Variants in PALM2AKAP2 observed in about 807,000 individuals in gnomAD.
The protein encoded by PALM2AKAP2 is PALM2-AKAP2 fusion protein.
PALM2AKAP2 carries 37 observed loss-of-function variants against 71.5 expected under a neutral mutation model. The observed-to-expected ratio is 0.52, with a 90% CI of 0.40 to 0.68. The LOEUF (loss-of-function observed/expected upper bound fraction) is 0.68. Ranked by LOEUF, PALM2AKAP2 falls within the 30% of genes least tolerant of loss-of-function variation. The pLI, the probability that PALM2AKAP2 is intolerant of heterozygous loss-of-function variation, is 0.00. For synonymous variants in PALM2AKAP2, 468 were observed against 478.8 expected (o/e 0.98, Z 0.29); for missense variants, 1,224 against 1,191.8 (o/e 1.03, Z -0.40).
At chr9:109,774,147 A>T (rs1031973765) in intron 1 of PALM2AKAP2, among the ~76,000 whole-genome samples, 4 of 152,226 alleles carry the variant, frequency 2.6e-5, no homozygotes, top group African/African-American at 7.2e-5. Context: ...GTTGATGGCC[A>T]CGCTACCAAA....
exon 2 of PALM2AKAP2, chr9:110,137,220 A>C (rs1338352782): frequency 6.2e-7 from 1 of 1,614,112 alleles, no homozygotes; most frequent in Non-Finnish European, 8.5e-7. Flanking sequence ...GCTGCTCGCA[A>C]ACAATTTCAG....
intron 1 of PALM2AKAP2, among the ~76,000 whole-genome samples, chr9:109,830,416 G>C (rs1158524698): frequency 6.6e-6 from 1 of 152,114 alleles, no homozygotes; most frequent in Non-Finnish European, 1.5e-5. Flanking sequence ...ATCAAACCAG[G>C]GGCTGGTGTT....
chr9:109,992,212 C>A (rs10816911), intron 6 of PALM2AKAP2, among the ~76,000 whole-genome samples: 43,131 of 152,052 alleles, frequency 0.28, 7,712 homozygotes, highest in Non-Finnish European at 0.41. Context: ...CTTGTGGTAG[C>A]ATAACTGTCA....
At position 109,943,371 on chromosome 9, in the gene PALM2AKAP2, G is replaced by C. The variant is rs747856800; in HGVS notation, c.496+11343G>C. Reference sequence around the variant, plus strand: ...GGAAGGAAGAGAGCCTAGCTACAGAGCCAGCCCCAGGTACCCAAAAGAAAA... The same window carrying C: ...GGAAGGAAGAGAGCCTAGCTACAGACCCAGCCCCAGGTACCCAAAAGAAAA... On this transcript the variant is annotated intron_variant, in intron 6 of 9. Transcript: ENST00000302798. 1.2e-5 allele frequency: 19 copies of C among 1,613,938 alleles called. No individual in the cohort carries two copies. The Admixed American group carries it at 1.3e-4, about 11-fold the overall frequency.
Position 110,168,392 on chromosome 9 carries a change from T to C in PALM2AKAP2, c.2749-7T>C, listed in dbSNP as rs1488175348. The C allele has an allele frequency of 5.6e-6, 9 of 1,613,498 alleles. No homozygotes were observed. The highest frequency in any genetic ancestry group is 1.3e-5 in the African/African-American group (1 of 74,890). ...ACTCTGCATAATTTTTTCCCCTCTC[T>C]TTACAGGTCCTCGAGGCCACACGGG... On this transcript the variant is annotated splice_region_variant and splice_polypyrimidine_tract_variant and intron_variant, in intron 3 of 3. Coordinates refer to ENST00000374525, the Ensembl canonical transcript of PALM2AKAP2.
chr9:109,843,595 C>T (rs1366538997), intron 1 of PALM2AKAP2, among the ~76,000 whole-genome samples: 1 of 152,130 alleles, frequency 6.6e-6, no homozygotes, highest in Non-Finnish European at 1.5e-5. Context: ...TTGAAGACCA[C>T]TCTGCATAAT....
At chr9:110,168,409 C>G (rs1300113927) in exon 4 of PALM2AKAP2, 1 of 1,613,998 alleles carries the variant, frequency 6.2e-7, no homozygotes. Context: ...GTCCTCGAGG[C>G]CACACGGGTT....
At chr9:110,015,849 G>T (rs1832971490) in intron 6 of PALM2AKAP2, 105 bp from the exon 7 acceptor site, 2 of 1,060,910 alleles carry the variant, frequency 1.9e-6, no homozygotes, top group Non-Finnish European at 1.4e-6. Context: ...GTCATCATCA[G>T]CTCCCTTTAC....
At chr9:110,051,906 C>CCT (rs1564279849) in intron 1 of PALM2AKAP2, among the ~76,000 whole-genome samples, 3 of 143,374 alleles carry the variant, frequency 2.1e-5, no homozygotes, top group Non-Finnish European at 3.1e-5. Context: ...AAATTGCACC[C>CCT]TTTTTTTTTT....
intron 1 of PALM2AKAP2, among the ~76,000 whole-genome samples, chr9:109,751,142 G>A (rs1257026999): frequency 6.6e-6 from 1 of 152,114 alleles, no homozygotes; most frequent in East Asian, 1.9e-4. Context: ...TTTTCATTCA[G>A]TATTCCACTC....
intron 7 of PALM2AKAP2, among the ~76,000 whole-genome samples, chr9:110,026,963 A>C (rs1446803012): frequency 6.6e-6 from 1 of 152,144 alleles, no homozygotes; most frequent in Non-Finnish European, 1.5e-5. Context: ...GAATCGCTTG[A>C]ACCCAGGAGG....
At chr9:110,071,281 C>T (rs75320114) in intron 1 of PALM2AKAP2, among the ~76,000 whole-genome samples, 1,803 of 151,796 alleles carry the variant, frequency 0.012, 38 homozygotes, top group African/African-American at 0.041. Context: ...CTGATAGGTA[C>T]TCAGTAAATA....
intron 2 of PALM2AKAP2, among the ~76,000 whole-genome samples, chr9:109,870,334 CT>C (rs1564189140): frequency 1.3e-5 from 2 of 152,166 alleles, no homozygotes; most frequent in Non-Finnish European, 2.9e-5. Context: ...TAGCATGGGA[CT>C]TTTTCCCTGT....
At chr9:109,917,844 C>G (rs1197786249) in intron 3 of PALM2AKAP2, among the ~76,000 whole-genome samples, 1 of 151,418 alleles carries the variant, frequency 6.6e-6, no homozygotes, top group Non-Finnish European at 1.5e-5. Context: ...ATCATTTTTA[C>G]TTACATCTCA....
At chr9:109,874,247 T>G (rs984866466) in intron 2 of PALM2AKAP2, among the ~76,000 whole-genome samples, 2 of 152,124 alleles carry the variant, frequency 1.3e-5, no homozygotes, top group Admixed American at 6.5e-5. Context: ...AACCCACCAT[T>G]AGAGGAGCTG....
chr9:109,819,565 G>T (rs1454041892), intron 1 of PALM2AKAP2, among the ~76,000 whole-genome samples: 1 of 151,892 alleles, frequency 6.6e-6, no homozygotes, highest in Non-Finnish European at 1.5e-5. Flanking sequence ...CCTTATCATG[G>T]ACAGAGTGGC....
At chr9:109,699,742 T>C (rs866758068) in intron 1 of PALM2AKAP2, among the ~76,000 whole-genome samples, 16 of 151,842 alleles carry the variant, frequency 1.1e-4, no homozygotes, top group Non-Finnish European at 1.8e-4. Context: ...CCCTGTATTT[T>C]CCAATATCAA....
intron 6 of PALM2AKAP2, among the ~76,000 whole-genome samples, chr9:109,973,543 G>A (rs1200618601): frequency 6.6e-6 from 1 of 152,176 alleles, no homozygotes; most frequent in East Asian, 1.9e-4. Flanking sequence ...AAGTCACATG[G>A]CCAAGCCTGG....
intron 6 of PALM2AKAP2, among the ~76,000 whole-genome samples, chr9:109,992,206 T>C (rs1157779549): frequency 6.6e-6 from 1 of 152,162 alleles, no homozygotes; most frequent in Non-Finnish European, 1.5e-5. Flanking sequence ...GCTTGGCTTG[T>C]GGTAGCATAA....
Sources: allele counts gnomAD v4.1 joint callset (sites outside exome capture counted in the v4.1 genomes callset), GRCh38; gene constraint gnomAD v4.1.1; transcripts MANE v1.5; gene names NCBI Gene and HGNC (gene_info 2026-07-23, HGNC 2026-07-21).